The following DNAJC8 variants were observed in gnomAD, a reference collection of about 807,000 sequenced individuals.
The protein encoded by DNAJC8 is DnaJ heat shock protein family (Hsp40) member C8.
Under a neutral mutation model 43.2 loss-of-function variants are expected in DNAJC8, and 24 were observed. The ratio of observed to expected loss-of-function variants is 0.56; its 90% CI spans 0.40 to 0.78. The LOEUF is 0.78. DNAJC8 is among the 30% of genes least tolerant of loss of function. The pLI is 0.00. For synonymous variants in DNAJC8, 83 were observed against 98.0 expected, an observed-to-expected ratio of 0.85 and a Z score of 0.90; for missense variants, 207 against 299.4, an observed-to-expected ratio of 0.69 and a Z score of 2.28.
At chr1:28,210,695 C>G in intron 3 of DNAJC8, 58 bp from the exon 4 acceptor site, 6 of 1,410,572 alleles carry the variant, frequency 4.3e-6, no homozygotes, top group Non-Finnish European at 5.0e-6. Context: ...AACTTCCAGC[C>G]TGCCCTGTCT....
chr1:28,226,968 T>C (rs1387789147), intron 2 of DNAJC8, among the ~76,000 whole-genome samples: 2 of 150,836 alleles, frequency 1.3e-5, no homozygotes, highest in Non-Finnish European at 3.0e-5. Context: ...CATTTTCCTC[T>C]GTTCCTTTTA....
intron 3 of DNAJC8, among the ~76,000 whole-genome samples, chr1:28,214,464 G>A (rs1646837353): frequency 6.6e-6 from 1 of 152,186 alleles, no homozygotes; most frequent in African/African-American, 2.4e-5. Context: ...AACCCAGGAG[G>A]TGGAGGTTGC....
In DNAJC8 at chr1:28,232,972, A is replaced by T. The variant is rs1231922139; in HGVS notation, c.27T>A (p.Thr9=). Reference sequence around the variant, plus strand: ...CCTCGGTGCTGCCTCCGCCGCCTGAAGTCCCGCTCTCTCCTGAAGCCGCCA... The same window carrying T: ...CCTCGGTGCTGCCTCCGCCGCCTGATGTCCCGCTCTCTCCTGAAGCCGCCA... MAASGESG[T]SGGGGSTEEA... is the part of the protein sequence containing the mutation. Residue 9 remains threonine (T), a synonymous_variant, in exon 1 of 9, where the codon ACT becomes ACA. Coordinates refer to ENST00000263697, the MANE Select transcript of DNAJC8 (RefSeq NM_014280.3). The T allele has an allele frequency of 6.2e-7, 1 of 1,612,864 alleles. No homozygotes were observed. The highest frequency in any genetic ancestry group is 1.3e-5 in the African/African-American group (1 of 74,872).
At chr1:28,225,432 TATC>T (rs1215131653) in intron 2 of DNAJC8, among the ~76,000 whole-genome samples, 1 of 151,356 alleles carries the variant, frequency 6.6e-6, no homozygotes, top group Non-Finnish European at 1.5e-5. Context: ...ACCTTGAAAA[TATC>T]ATGCTAAGTG....
intron 2 of DNAJC8, among the ~76,000 whole-genome samples, chr1:28,222,413 G>A (rs1646904646): frequency 1.3e-5 from 2 of 149,678 alleles, no homozygotes; most frequent in African/African-American, 4.9e-5. Flanking sequence ...TTGAATCCAG[G>A]TGGCGGAGGT....
intron 2 of DNAJC8, among the ~76,000 whole-genome samples, chr1:28,225,786 T>A (rs1646930384): frequency 6.8e-6 from 1 of 147,194 alleles, no homozygotes; most frequent in Non-Finnish European, 1.5e-5. Context: ...CACTGCAACC[T>A]CCGCCTCCTG....
chr1:28,229,056 A>G, intron 1 of DNAJC8, 33 bp from the exon 2 acceptor site: 8 of 1,543,436 alleles, frequency 5.2e-6, no homozygotes, highest in Non-Finnish European at 7.2e-6. Context: ...CTTCATTAAT[A>G]GAATTCAATA....
chr1:28,231,083 C>T (rs1319162318), intron 1 of DNAJC8, among the ~76,000 whole-genome samples: 1 of 152,184 alleles, frequency 6.6e-6, no homozygotes, highest in East Asian at 1.9e-4. Flanking sequence ...TTAAAATTAA[C>T]TCTCTTGCCA....
At chr1:28,218,091 ATTC>A (rs1415024145) in intron 2 of DNAJC8, among the ~76,000 whole-genome samples, 3 of 133,462 alleles carry the variant, frequency 2.2e-5, no homozygotes, top group African/African-American at 5.7e-5. Context: ...GATGGTTTCT[ATTC>A]TTTTTTTTTT....
intron 1 of DNAJC8, 70 bp from the exon 2 acceptor site, chr1:28,229,093 T>C (rs1019654918): frequency 8.7e-6 from 11 of 1,263,182 alleles, no homozygotes; most frequent in Non-Finnish European, 1.1e-5. Context: ...TAACAAAATG[T>C]TCACTGATAT....
At chr1:28,230,763 C>T (rs1017991865) in intron 1 of DNAJC8, among the ~76,000 whole-genome samples, 30 of 152,236 alleles carry the variant, frequency 2.0e-4, no homozygotes, top group African/African-American at 7.2e-4. Context: ...GTCCTCTTGC[C>T]TCAGCCTTCC....
At chr1:28,227,074 CAA>C (rs148492955) in intron 2 of DNAJC8, among the ~76,000 whole-genome samples, 4 of 94,692 alleles carry the variant, frequency 4.2e-5, no homozygotes, top group Admixed American at 1.4e-4. Context: ...TCAAGCATTG[CAA>C]AAAAAAAAAA....
intron 1 of DNAJC8, 28 bp downstream of exon 1, chr1:28,232,893 G>A (rs536391147): frequency 6.2e-7 from 1 of 1,610,152 alleles, no homozygotes; most frequent in East Asian, 2.2e-5. Context: ...GGTCGCCCCG[G>A]TGCCACTACT....
chr1:28,215,078 A>ATT, intron 2 of DNAJC8, 82 bp from the exon 3 acceptor site: 1 of 1,179,102 alleles, frequency 8.5e-7, no homozygotes, highest in Non-Finnish European at 1.2e-6. Context: ...AATTATATAT[A>ATT]TTATAATCAG....
chr1:28,226,591 C>T (rs1646936503), intron 2 of DNAJC8, among the ~76,000 whole-genome samples: 2 of 151,046 alleles, frequency 1.3e-5, no homozygotes, highest in African/African-American at 4.9e-5. Context: ...TTTTACCCCC[C>T]AGTCTATTAT....
rs1285430879 is a variant in DNAJC8 at position 28,210,008 on chromosome 1, A to G, written c.363T>C (p.Asp121=). 1.3e-5 allele frequency: 21 copies of G among 1,613,968 alleles called. No individual in the cohort carries two copies. The highest frequency in any genetic ancestry group is 1.6e-5 in the Non-Finnish European group (19 of 1,179,960). Residue 121 remains aspartate, a synonymous_variant, in exon 5 of 9, where the codon GAT becomes GAC. Transcript: ENST00000263697. ...LDQEQKKRAL[D]VIQAGKEYVE... ...CGTATTCTTTTCCTGCCTGAATTAC[A>G]TCCAGGGCCCTCTTCTTTTGCTCCT...
chr1:28,215,715 T>G (rs1646848200), intron 2 of DNAJC8, among the ~76,000 whole-genome samples: 1 of 151,960 alleles, frequency 6.6e-6, no homozygotes, highest in Non-Finnish European at 1.5e-5. Context: ...TTTTGTAATT[T>G]TAGTAGACAC....
intron 8 of DNAJC8, among the ~76,000 whole-genome samples, 185 bp from the exon 9 acceptor site, chr1:28,201,555 G>C (rs545586321): frequency 6.6e-6 from 1 of 152,106 alleles, no homozygotes; most frequent in African/African-American, 2.4e-5. Context: ...TCGGGAGGCC[G>C]AGGCGGGCAG....
chr1:28,209,331 C>T (rs1440577674), intron 5 of DNAJC8, among the ~76,000 whole-genome samples: 2 of 152,182 alleles, frequency 1.3e-5, no homozygotes, highest in African/African-American at 4.8e-5. Flanking sequence ...ACAATTGAAG[C>T]AGCTCTTACA....
Sources: gnomAD v4.1 joint callset for allele counts (sites outside exome capture counted in the v4.1 genomes callset) on GRCh38, gnomAD v4.1.1 for gene constraint, MANE v1.5 for transcripts, NCBI Gene and HGNC (gene_info 2026-07-23, HGNC 2026-07-21) for gene names.